The following CCSER1 variants were observed in gnomAD, a reference collection of about 807,000 sequenced individuals.
CCSER1 encodes coiled-coil serine rich protein 1, also known as serine-rich coiled-coil domain-containing protein 1.
A neutral mutation model predicts 82.0 loss-of-function variants in CCSER1; 41 were observed. The ratio of observed to expected loss-of-function variants is 0.50; its 90% CI spans 0.39 to 0.65. The LOEUF is 0.65. Among genes scored for constraint, CCSER1 ranks in the 30% least tolerant of loss-of-function variants. The probability of loss-of-function intolerance (pLI) is 0.00; values close to 1 mark genes in which losing one functional copy is unlikely to be tolerated. For synonymous variants in CCSER1, 414 were observed against 383.9 expected, an observed-to-expected ratio of 1.08 and a Z score of -0.92; for missense variants, 1,119 against 1,064.2, an observed-to-expected ratio of 1.05 and a Z score of -0.72.
intron 10 of CCSER1, among the ~76,000 whole-genome samples, chr4:91,395,365 A>G (rs1751912525): frequency 6.6e-6 from 1 of 152,116 alleles, no homozygotes; most frequent in Non-Finnish European, 1.5e-5. Context: ...ATGTGAGGAC[A>G]GATTCAGGGG....
chr4:91,100,904 G>GA (rs532649505), intron 10 of CCSER1, among the ~76,000 whole-genome samples: 3 of 152,128 alleles, frequency 2.0e-5, no homozygotes, highest in South Asian at 4.1e-4. Context: ...CTCAAATGGG[G>GA]AAAAAAATAA....
chr4:91,371,110 GC>G (rs2149324245), intron 10 of CCSER1, among the ~76,000 whole-genome samples: 1 of 152,160 alleles, frequency 6.6e-6, no homozygotes, highest in East Asian at 1.9e-4. Context: ...TGATCCACCT[GC>G]CTTGGCCTCC....
intron 9 of CCSER1, among the ~76,000 whole-genome samples, chr4:91,038,238 T>A (rs1054672680): frequency 6.6e-6 from 1 of 152,168 alleles, no homozygotes; most frequent in African/African-American, 2.4e-5. Context: ...TGTAATAAAT[T>A]TTCATTACAT....
intron 8 of CCSER1, among the ~76,000 whole-genome samples, chr4:90,900,094 GT>G (rs70963096): frequency 0.036 from 3,642 of 102,132 alleles, 74 homozygotes; most frequent in African/African-American, 0.058. Context: ...TGGTCCCAGA[GT>G]TTTTTTTTTT....
At chr4:90,855,582 A>T (rs1269001446) in intron 8 of CCSER1, among the ~76,000 whole-genome samples, 1 of 152,188 alleles carries the variant, frequency 6.6e-6, no homozygotes. Context: ...CATTATTCAT[A>T]GAGTTCTTCA....
intron 10 of CCSER1, among the ~76,000 whole-genome samples, chr4:91,264,815 G>T (rs939613198): frequency 4.6e-5 from 7 of 151,912 alleles, no homozygotes; most frequent in African/African-American, 1.7e-4. Context: ...CATGATTGTG[G>T]TTTGTGAAAG....
Position 90,423,842 on chromosome 4 carries a change from G to A in CCSER1, c.1603+23713G>A, listed in dbSNP as rs138800107. ...TATTGGGCTGGGCGTGGTGGCTCAC[G>A]CCTGTAATCCCAGCACTTTGGGAGG... On this transcript the variant is annotated intron_variant, in intron 4 of 10. Transcript: ENST00000509176. Among the ~76,000 whole-genome samples, 7 of 150,418 alleles carry A rather than the reference G, an allele frequency of 4.7e-5. No individual in the cohort carries two copies. The South Asian group carries it at 6.6e-4, about 14-fold the overall frequency.
intron 10 of CCSER1, among the ~76,000 whole-genome samples, chr4:91,128,073 A>G (rs1186713359): frequency 4.6e-5 from 7 of 151,932 alleles, no homozygotes; most frequent in Non-Finnish European, 8.8e-5. Context: ...CCCACATGCC[A>G]CTGTGGATGT....
intron 10 of CCSER1, among the ~76,000 whole-genome samples, chr4:91,288,576 C>T (rs750694807): frequency 6.6e-6 from 1 of 151,962 alleles, no homozygotes; most frequent in Non-Finnish European, 1.5e-5. Flanking sequence ...TAGCAAGATT[C>T]CTGAGAAGCT....
chr4:90,296,814 A>G (rs1393400185), intron 1 of CCSER1, among the ~76,000 whole-genome samples: 2 of 152,022 alleles, frequency 1.3e-5, no homozygotes, highest in African/African-American at 2.4e-5. Context: ...GATATGCGGC[A>G]TTATTTCTGA....
intron 9 of CCSER1, among the ~76,000 whole-genome samples, chr4:91,050,779 T>A (rs1310300872): frequency 6.6e-6 from 1 of 152,186 alleles, no homozygotes; most frequent in Non-Finnish European, 1.5e-5. Context: ...GTGATTTATC[T>A]TCCCAGTCTC....
intron 1 of CCSER1, among the ~76,000 whole-genome samples, chr4:90,247,446 T>C (rs537083502): frequency 2.6e-5 from 4 of 152,248 alleles, no homozygotes; most frequent in Admixed American, 1.3e-4. Context: ...AGAAAACTTG[T>C]TGTGAGAAAT....
chr4:90,693,241 A>G (rs571446726), intron 6 of CCSER1: 1 of 152,052 alleles, frequency 6.6e-6, no homozygotes, highest in Non-Finnish European at 1.5e-5. Context: ...CTAAAATCTC[A>G]TGAGATAGAA....
At chr4:90,843,275 TA>T (rs1381820353) in intron 8 of CCSER1, among the ~76,000 whole-genome samples, 1 of 152,208 alleles carries the variant, frequency 6.6e-6, no homozygotes, top group Admixed American at 6.5e-5. Flanking sequence ...TATTTACTGC[TA>T]AACTGGTTCC....
intron 8 of CCSER1, among the ~76,000 whole-genome samples, chr4:90,843,974 A>C (rs1261074690): frequency 2.0e-5 from 3 of 152,076 alleles, no homozygotes; most frequent in African/African-American, 7.2e-5. Context: ...CTTGAGACTC[A>C]GCCAATCTTT....
chr4:91,245,464 C>G (rs1237764171), intron 10 of CCSER1, among the ~76,000 whole-genome samples: 2 of 151,966 alleles, frequency 1.3e-5, no homozygotes, highest in Non-Finnish European at 2.9e-5. Flanking sequence ...TTAGTGGAAA[C>G]CTTACAGGCC....
intron 7 of CCSER1, among the ~76,000 whole-genome samples, chr4:90,737,321 C>G (rs972806423): frequency 6.6e-6 from 1 of 152,098 alleles, no homozygotes; most frequent in Non-Finnish European, 1.5e-5. Context: ...CAAAATCCCT[C>G]GTCTTTTGTT....
chr4:90,842,705 A>G (rs1463944487), intron 8 of CCSER1, among the ~76,000 whole-genome samples: 1 of 152,200 alleles, frequency 6.6e-6, no homozygotes, highest in Non-Finnish European at 1.5e-5. Context: ...AAAGAGATGT[A>G]TAAGAAGGAT....
chr4:91,253,530 T>C (rs1234918699), intron 10 of CCSER1, among the ~76,000 whole-genome samples: 1 of 152,086 alleles, frequency 6.6e-6, no homozygotes, highest in Non-Finnish European at 1.5e-5. Flanking sequence ...TAGATACTTA[T>C]GAAAGTCAAA....
Sources: allele counts gnomAD v4.1 joint callset (sites outside exome capture counted in the v4.1 genomes callset), GRCh38; gene constraint gnomAD v4.1.1; transcripts MANE v1.5; gene names NCBI Gene and HGNC (gene_info 2026-07-23, HGNC 2026-07-21).